The following UTP23 variants were observed in gnomAD, a reference collection of about 807,000 sequenced individuals.
UTP23 encodes the protein UTP23 small subunit processome component, also known as rRNA-processing protein UTP23 homolog.
In UTP23, 10 loss-of-function variants were observed where a neutral mutation model predicts 19.8. The observed-to-expected ratio is 0.50, with a 90% CI of 0.31 to 0.86. The LOEUF is 0.86. Among genes scored for constraint, UTP23 ranks in the 40% least tolerant of loss-of-function variants. The probability of loss-of-function intolerance (pLI) is 0.05; values close to 1 mark genes in which losing one functional copy is unlikely to be tolerated. For synonymous variants in UTP23, 108 were observed against 105.4 expected, an observed-to-expected ratio of 1.02 and a Z score of -0.15; for missense variants, 282 against 293.1, an observed-to-expected ratio of 0.96 and a Z score of 0.28.
rs755689961 is a variant in UTP23, at chr8:116,770,249, T to A, written c.246T>A (p.Ile82=). ...AGGACTTATATGGGGCAAAACTGATTGCACAAAAATGCCAAGTTCGAAATT... is the reference window on the plus strand; with the variant it reads ...AGGACTTATATGGGGCAAAACTGATAGCACAAAAATGCCAAGTTCGAAATT... The part of the protein sequence containing the change: ...LGKDLYGAKL[I]AQKCQVRNCP... The change falls in exon 2 of 3, where the codon ATT becomes ATA. Residue 82 remains isoleucine (I), a synonymous_variant. Coordinates refer to ENST00000309822, the MANE Select transcript of UTP23 (RefSeq NM_032334.3). 1.7e-5 allele frequency: 27 copies of A among 1,613,942 alleles called. No individual in the cohort carries two copies. In the African/African-American group the frequency reaches 1.9e-4, roughly 11 times the overall value.
At chr8:116,768,717 T>A (rs1020743296) in intron 1 of UTP23, among the ~76,000 whole-genome samples, 1 of 152,200 alleles carries the variant, frequency 6.6e-6, no homozygotes, top group Non-Finnish European at 1.5e-5. Flanking sequence ...CAGGCTGGAG[T>A]GCAGTGGTGC....
chr8:116,770,101 A>G, intron 1 of UTP23, 91 bp from the exon 2 acceptor site: 1 of 1,249,406 alleles, frequency 8.0e-7, no homozygotes, highest in Non-Finnish European at 1.1e-6. Context: ...AGATTGTAAC[A>G]GCATAGTTTT....
rs1815676149 is a variant in UTP23, at chr8:116,772,757, AG to A, written c.*917del. On this transcript the variant is annotated 3_prime_UTR_variant, in exon 3 of 3. Coordinates refer to ENST00000309822, the MANE Select transcript of UTP23 (RefSeq NM_032334.3). ...ATTGAAAAGTGTCTAAATTAGTCTG[AG>A]GATCAATGAGGGTCAATTCAGTTAG... 1 of 985,414 alleles carries A rather than the reference AG, an allele frequency of 1.0e-6. No individual in the cohort carries two copies. The highest frequency in any genetic ancestry group is 1.7e-5 in the African/African-American group (1 of 57,368). 61.0% of individuals were successfully genotyped at this position (985,414 alleles called of 1,614,324 possible).
rs1200351052 is a variant in UTP23 at position 116,772,866 on chromosome 8, GTAC to G, written c.*1028_*1030del. On this transcript the variant is annotated 3_prime_UTR_variant, in exon 3 of 3. Coordinates refer to ENST00000309822, the MANE Select transcript of UTP23 (RefSeq NM_032334.3). The stretch of plus-strand genomic sequence containing the variant: ...ATCAGGCCAAAATTAAAATGTTTTT[GTAC>G]TACAAGATGGAAGTATAAAATTATT... The G allele has an allele frequency of 4.1e-6, 4 of 985,186 alleles. No individual in the cohort carries two copies. In the Admixed American group the frequency reaches 2.5e-4, roughly 61 times the overall value. 61.0% of individuals were successfully genotyped at this position (985,186 alleles called of 1,614,324 possible). A position where few individuals can be genotyped will look rare whatever the true frequency, so the allele number is the denominator to read the frequency against.
chr8:116,767,120 C>T (rs1815594613), intron 1 of UTP23, among the ~76,000 whole-genome samples: 1 of 152,206 alleles, frequency 6.6e-6, no homozygotes, highest in Non-Finnish European at 1.5e-5. Flanking sequence ...TCGGATTCCT[C>T]ATTTGTAAAA....
chr8:116,774,331 A>G lies in UTP23; in HGVS notation c.*2489A>G. On this transcript the variant is annotated 3_prime_UTR_variant, in exon 3 of 3. Transcript: ENST00000309822. ...ACCAAGTCACTTTAGAACAGCTTTGAAACTAGAGTTTCAAAGGTAAAAGGA... is the reference window on the plus strand; with the variant it reads ...ACCAAGTCACTTTAGAACAGCTTTGGAACTAGAGTTTCAAAGGTAAAAGGA... 1.0e-6 allele frequency: 1 copy of G among 985,338 alleles called. No homozygotes were observed. The highest frequency in any genetic ancestry group is 1.2e-6 in the Non-Finnish European group (1 of 829,920). The allele number at this position is 985,338 out of a possible 1,614,324, so 61.0% of individuals were successfully genotyped here.
At position 116,774,569 on chromosome 8, in the gene UTP23, A is replaced by G. The variant is rs1815699703; in HGVS notation, c.*2727A>G. On this transcript the variant is annotated 3_prime_UTR_variant, in exon 3 of 3. Transcript: ENST00000309822. ...TATAGGTATATACACATATGTATAT[A>G]TACATAGTCTATATATTCTATATAA... 1 of 643,264 alleles carries G rather than the reference A, an allele frequency of 1.6e-6. No homozygotes were observed. The highest frequency in any genetic ancestry group is 2.0e-5 in the African/African-American group (1 of 50,488). 39.8% of individuals were successfully genotyped at this position (643,264 alleles called of 1,614,324 possible).
intron 2 of UTP23, chr8:116,770,582 G>GTTTTTT: frequency 2.4e-6 from 1 of 413,324 alleles, no homozygotes; most frequent in Non-Finnish European, 4.2e-6. Flanking sequence ...GTTGGGTTTT[G>GTTTTTT]TTTTTTTTAA....
In UTP23 at chr8:116,770,372, A is replaced by G; in HGVS notation, c.363+6A>G. The G allele has an allele frequency of 6.3e-7, 1 of 1,596,784 alleles. No homozygotes were observed. Among genetic ancestry groups the G allele is most frequent in the Non-Finnish European group, 8.6e-7 (1 of 1,167,072 alleles). On this transcript the variant is annotated splice_donor_region_variant and intron_variant, in intron 2 of 2. Coordinates refer to ENST00000309822, the MANE Select transcript of UTP23 (RefSeq NM_032334.3). ...ATTATTTTGTGGCAACACAGGTGAT[A>G]CTACTTTTAAAACCACAGGCAATTT...
rs554157926 is a variant in UTP23, at chr8:116,772,017, T to C, written c.*175T>C. The stretch of plus-strand genomic sequence containing the variant: ...AGCCAGCATGGCAAAACCCCATCTC[T>C]ACTAAAATACAAAAATTAGCTGGGC... On this transcript the variant is annotated 3_prime_UTR_variant, in exon 3 of 3. Coordinates refer to ENST00000309822, the MANE Select transcript of UTP23 (RefSeq NM_032334.3). 3 of 1,289,262 alleles carry C rather than the reference T, an allele frequency of 2.3e-6. No individual in the cohort carries two copies. The highest frequency in any genetic ancestry group is 2.4e-5 in the South Asian group (1 of 41,528). The allele number at this position is 1,289,262 out of a possible 1,614,324, so 79.9% of individuals were successfully genotyped here.
intron 1 of UTP23, among the ~76,000 whole-genome samples, chr8:116,768,286 C>T (rs1291421612): frequency 6.6e-6 from 1 of 152,142 alleles, no homozygotes; most frequent in Non-Finnish European, 1.5e-5. Context: ...CTTTTGTCTA[C>T]AAGCAATTTG....
chr8:116,767,321 A>G (rs1815597726), intron 1 of UTP23, among the ~76,000 whole-genome samples: 1 of 152,218 alleles, frequency 6.6e-6, no homozygotes, highest in African/African-American at 2.4e-5. Context: ...GTCCAGGGCA[A>G]AAAGTCAGTA....
chr8:116,772,162 A>G lies in UTP23; in HGVS notation c.*320A>G. On this transcript the variant is annotated 3_prime_UTR_variant, in exon 3 of 3. Transcript: ENST00000309822. ...GTGTCACTTCACTCCAGCCTGGGCAACAGAGTGAGAACATGTCTCAAAAAA... is the reference window on the plus strand; with the variant it reads ...GTGTCACTTCACTCCAGCCTGGGCAGCAGAGTGAGAACATGTCTCAAAAAA... 2 of 1,028,432 alleles carry G rather than the reference A, an allele frequency of 1.9e-6. No individual in the cohort carries two copies. The highest frequency in any genetic ancestry group is 8.9e-5 in the South Asian group (2 of 22,460). The allele number at this position is 1,028,432 out of a possible 1,614,324, so 63.7% of individuals were successfully genotyped here.
chr8:116,771,417 T>G, intron 2 of UTP23, 39 bp from the exon 3 acceptor site: 3 of 1,373,022 alleles, frequency 2.2e-6, no homozygotes, highest in Non-Finnish European at 2.8e-6. Context: ...GTACCTTAAT[T>G]GACATTTGAA....
Position 116,768,752 on chromosome 8 carries a change from C to T in UTP23, c.189-1440C>T, listed in dbSNP as rs570461795. ...CGATCATGGCTCACTGCAGCCTCCG[C>T]CTCCCGGGTTCAAGTGATTTCCCTA... On this transcript the variant is annotated intron_variant, in intron 1 of 2. Transcript: ENST00000309822. Among the ~76,000 whole-genome samples, 210 of 152,288 alleles carry T rather than the reference C, an allele frequency of 1.4e-3. 1 individual carries two copies. Among genetic ancestry groups the T allele is most frequent in the Non-Finnish European group, 1.5e-3 (105 of 68,014 alleles).
chr8:116,770,609 C>CT, intron 2 of UTP23: 1 of 362,660 alleles, frequency 2.8e-6, no homozygotes, highest in Non-Finnish European at 5.0e-6. Flanking sequence ...CTTTGTTTTG[C>CT]TTTTTTTGTT....
intron 1 of UTP23, among the ~76,000 whole-genome samples, chr8:116,767,984 GGCTGAGACAGGAGGGTT>G (rs1815606366): frequency 6.6e-6 from 1 of 152,128 alleles, no homozygotes; most frequent in South Asian, 2.1e-4. Flanking sequence ...CTACACAGGA[GGCTGAGACAGGAGGGTT>G]GCCTGAGTCT....
rs760906639 is a variant in UTP23 at position 116,766,672 on chromosome 8, C to A, written c.69C>A (p.Arg23=). Residue 23 remains arginine, a synonymous_variant, in exon 1 of 3, where the codon CGC becomes CGA. Transcript: ENST00000309822. ...TCTTCCGCAACAACTTCGGAGTCCGCGAGCCGTACCAGATCCTGCTGGACG... is the reference window on the plus strand; with the variant it reads ...TCTTCCGCAACAACTTCGGAGTCCGAGAGCCGTACCAGATCCTGCTGGACG... ...LGFFRNNFGV[R]EPYQILLDGT... 2.0e-6 allele frequency: 3 copies of A among 1,518,062 alleles called. No individual in the cohort carries two copies. Among genetic ancestry groups the A allele is most frequent in the Non-Finnish European group, 2.6e-6 (3 of 1,137,790 alleles). 94.0% of individuals were successfully genotyped at this position (1,518,062 alleles called of 1,614,324 possible).
In UTP23 at chr8:116,773,846, T is replaced by G. The variant is rs1466199029; in HGVS notation, c.*2004T>G. ...ATAAATAAGTTTACTATTTTAAAACTGGTTAATCATTTATGTATTTTGCCA... is the reference window on the plus strand; with the variant it reads ...ATAAATAAGTTTACTATTTTAAAACGGGTTAATCATTTATGTATTTTGCCA... On this transcript the variant is annotated 3_prime_UTR_variant, in exon 3 of 3. Coordinates refer to ENST00000309822, the MANE Select transcript of UTP23 (RefSeq NM_032334.3). 3.8e-6 allele frequency: 3 copies of G among 790,832 alleles called. No homozygotes were observed. In the African/African-American group the frequency reaches 5.6e-5, roughly 15 times the overall value. 49.0% of individuals were successfully genotyped at this position (790,832 alleles called of 1,614,324 possible).
Sources: gnomAD v4.1 joint callset for allele counts (sites outside exome capture counted in the v4.1 genomes callset) on GRCh38, gnomAD v4.1.1 for gene constraint, MANE v1.5 for transcripts, NCBI Gene and HGNC (gene_info 2026-07-23, HGNC 2026-07-21) for gene names.